Variants in CAPSL observed in about 807,000 individuals in gnomAD.
CAPSL encodes calcyphosine like, also known as calcyphosin-like protein.
Under a neutral mutation model 21.3 loss-of-function variants are expected in CAPSL, and 17 were observed. That is an observed-to-expected ratio of 0.80 (90% confidence interval 0.55 to 1.20). CAPSL has a LOEUF of 1.20. Ranked by LOEUF, CAPSL falls within the 50% of genes most tolerant of loss-of-function variation. CAPSL has a pLI of 0.00. For missense variants in CAPSL, 289 were observed against 259.3 expected, an observed-to-expected ratio of 1.11 and a Z score of -0.79; for synonymous variants, 102 against 89.3, an observed-to-expected ratio of 1.14 and a Z score of -0.80.
At chr5:35,915,085 T>C (rs1738337779) in intron 2 of CAPSL, among the ~76,000 whole-genome samples, 1 of 152,190 alleles carries the variant, frequency 6.6e-6, no homozygotes, top group South Asian at 2.1e-4. Context: ...TAAACACTTC[T>C]ATGCAAATAA....
At chr5:35,934,194 T>G (rs1738888329) in intron 1 of CAPSL, among the ~76,000 whole-genome samples, 1 of 152,208 alleles carries the variant, frequency 6.6e-6, no homozygotes, top group South Asian at 2.1e-4. Context: ...AAGCAATGGT[T>G]GAAGCCAAAA....
chr5:35,914,155 C>G lies in CAPSL; in HGVS notation c.138-3612G>C, dbSNP rs902957796. Among the ~76,000 whole-genome samples, 15 of 152,264 alleles carry G rather than the reference C, an allele frequency of 9.9e-5. No individual in the cohort carries two copies. The South Asian group carries it at 1.0e-3, about 11-fold the overall frequency. On this transcript the variant is annotated intron_variant, in intron 2 of 4. Coordinates refer to ENST00000651391, the MANE Select transcript of CAPSL (RefSeq NM_001042625.2). ...AAAGGGATCAATTCAACAAGAAGAG[C>G]TAACTATCCTAAATATATATGCACC...
At chr5:35,912,300 C>A (rs1738247335) in intron 2 of CAPSL, among the ~76,000 whole-genome samples, 1 of 152,204 alleles carries the variant, frequency 6.6e-6, no homozygotes, top group Admixed American at 6.5e-5. Flanking sequence ...CATAGCCAAA[C>A]AAAAGGCAGC....
At position 35,909,185 on chromosome 5, in the gene CAPSL, C is replaced by T. The variant is rs79226416; in HGVS notation, c.525+681G>A. On this transcript the variant is annotated intron_variant, in intron 4 of 4. Transcript: ENST00000651391. The stretch of plus-strand genomic sequence containing the variant: ...ACACAGTCATGGAGCTATATAATTC[C>T]TTACCCTACCAAGCTATGCATTTGT... 2.6e-3 allele frequency among the ~76,000 whole-genome samples: 400 copies of T among 151,944 alleles called. 3 individuals are homozygous for T. The highest frequency in any genetic ancestry group is 9.2e-3 in the African/African-American group (381 of 41,412).
At chr5:35,917,691 G>A (rs549300308) in intron 2 of CAPSL, among the ~76,000 whole-genome samples, 9 of 152,220 alleles carry the variant, frequency 5.9e-5, no homozygotes, top group African/African-American at 2.2e-4. Context: ...ACAGGAAGGG[G>A]AACATCACAC....
chr5:35,924,019 TA>T (rs371516471), intron 1 of CAPSL, among the ~76,000 whole-genome samples: 20 of 151,192 alleles, frequency 1.3e-4, no homozygotes, highest in East Asian at 3.9e-4. Flanking sequence ...TCTGTCAATT[TA>T]AAAAAAAAAT....
At chr5:35,926,932 G>A (rs1738700345) in intron 1 of CAPSL, among the ~76,000 whole-genome samples, 1 of 152,210 alleles carries the variant, frequency 6.6e-6, no homozygotes, top group Non-Finnish European at 1.5e-5. Context: ...GGGAACCGAA[G>A]CAGGTTTAGT....
rs754528956 is a variant in CAPSL, at chr5:35,904,704, C to G, written c.526-58G>C. The G allele has an allele frequency of 6.2e-6, 10 of 1,601,924 alleles. No homozygotes were observed. The African/African-American group carries it at 1.3e-4, about 22-fold the overall frequency. Reference sequence around the variant, plus strand: ...CTTTGCTTCTCACTCTGTCAATGGGCGCCCACCTTGTGCACCTGTAAATAG... The same window carrying G: ...CTTTGCTTCTCACTCTGTCAATGGGGGCCCACCTTGTGCACCTGTAAATAG... On this transcript the variant is annotated intron_variant, in intron 4 of 4. Transcript: ENST00000651391.
chr5:35,927,419 T>C (rs753100391), intron 1 of CAPSL, among the ~76,000 whole-genome samples: 1 of 152,216 alleles, frequency 6.6e-6, no homozygotes, highest in Non-Finnish European at 1.5e-5. Flanking sequence ...CTATAATGAT[T>C]CCATGTGCTT....
At chr5:35,917,841 G>A (rs141007227) in intron 2 of CAPSL, among the ~76,000 whole-genome samples, 1,780 of 152,010 alleles carry the variant, frequency 0.012, 43 homozygotes, top group African/African-American at 0.041. Context: ...CGTTGTGCAC[G>A]TGTATCCTAA....
intron 2 of CAPSL, among the ~76,000 whole-genome samples, chr5:35,911,134 A>C (rs1223645493): frequency 6.6e-6 from 1 of 152,234 alleles, no homozygotes; most frequent in Non-Finnish European, 1.5e-5. Context: ...TAAATGATAG[A>C]GTAAATAAAG....
Position 35,904,523 on chromosome 5 carries a change from G to A in CAPSL, c.*22C>T. ...TTTGGAGCCACATGGCTGTCCCAGG[G>A]CCTGGTCCCCAGGTCATGTGCTTAA... On this transcript the variant is annotated 3_prime_UTR_variant, in exon 5 of 5. Coordinates refer to ENST00000651391, the MANE Select transcript of CAPSL (RefSeq NM_001042625.2). 6.4e-7 allele frequency: 1 copy of A among 1,566,654 alleles called. No individual in the cohort carries two copies.
intron 2 of CAPSL, 34 bp downstream of exon 2, chr5:35,920,950 G>A (rs1441934605): frequency 1.9e-5 from 30 of 1,607,482 alleles, no homozygotes; most frequent in Non-Finnish European, 2.5e-5. Context: ...ATTCCTTCCC[G>A]CTCCATTCCC....
At chr5:35,912,109 A>T (rs1738241904) in intron 2 of CAPSL, among the ~76,000 whole-genome samples, 1 of 152,164 alleles carries the variant, frequency 6.6e-6, no homozygotes, top group South Asian at 2.1e-4. Flanking sequence ...GGCCTCACTC[A>T]TTGCCAGCAC....
At chr5:35,915,803 A>C (rs1738369433) in intron 2 of CAPSL, among the ~76,000 whole-genome samples, 2 of 152,222 alleles carry the variant, frequency 1.3e-5, no homozygotes, top group South Asian at 4.1e-4. Context: ...AAACTGGCAC[A>C]AGACAGGGAT....
chr5:35,917,435 T>A (rs1254058768), intron 2 of CAPSL, among the ~76,000 whole-genome samples: 1 of 152,238 alleles, frequency 6.6e-6, no homozygotes, highest in Non-Finnish European at 1.5e-5. Flanking sequence ...ATTGTGGCAC[T>A]ATTCACAATA....
Position 35,925,488 on chromosome 5 carries a change from G to T in CAPSL, c.1-4368C>A, listed in dbSNP as rs566263689. 4.6e-5 allele frequency among the ~76,000 whole-genome samples: 7 copies of T among 152,246 alleles called. No homozygotes were observed. The South Asian group carries it at 1.5e-3, about 32-fold the overall frequency. On this transcript the variant is annotated intron_variant, in intron 1 of 4. Coordinates refer to ENST00000651391, the MANE Select transcript of CAPSL (RefSeq NM_001042625.2). The stretch of plus-strand genomic sequence containing the variant: ...ATTTCAGTATGGTTGGAGAACAGAG[G>T]TATGGGTGGCAGGGGGAGATGAACA...
chr5:35,927,921 C>A (rs1303047293), intron 1 of CAPSL, among the ~76,000 whole-genome samples: 1 of 152,172 alleles, frequency 6.6e-6, no homozygotes, highest in African/African-American at 2.4e-5. Flanking sequence ...ATAAATATTG[C>A]ATTCCAGAGG....
At chr5:35,915,909 G>C (rs1426228475) in intron 2 of CAPSL, among the ~76,000 whole-genome samples, 1 of 152,190 alleles carries the variant, frequency 6.6e-6, no homozygotes, top group Non-Finnish European at 1.5e-5. Context: ...ATTAGGAAAA[G>C]AGGAAGTCAA....
Sources: allele counts gnomAD v4.1 joint callset (sites outside exome capture counted in the v4.1 genomes callset), GRCh38; gene constraint gnomAD v4.1.1; transcripts MANE v1.5; gene names NCBI Gene and HGNC (gene_info 2026-07-23, HGNC 2026-07-21).